Variants in AP4B1 observed in about 807,000 individuals in gnomAD.
AP4B1 encodes adaptor related protein complex 4 subunit beta 1.
Under a neutral mutation model 76.5 loss-of-function variants are expected in AP4B1, and 49 were observed. That is an observed-to-expected ratio of 0.64 (90% CI 0.51 to 0.81). The LOEUF is 0.81. AP4B1 is among the 40% of genes least tolerant of loss of function. AP4B1 has a pLI of 0.00. For missense variants in AP4B1, 911 were observed against 904.9 expected (o/e 1.01, Z -0.09); for synonymous variants, 330 against 333.3 (o/e 0.99, Z 0.11).
At chr1:113,902,385 A>G (rs1164842944) in intron 2 of AP4B1, among the ~76,000 whole-genome samples, 1 of 152,192 alleles carries the variant, frequency 6.6e-6, no homozygotes, top group Non-Finnish European at 1.5e-5. Context: ...AAAGATATAC[A>G]CATAATTGTT....
chr1:113,900,017 T>A lies in AP4B1; in HGVS notation c.1001A>T (p.Glu334Val). ...ATCGTTCACCAGTTCACACAGCACC[T>A]CCACTTTCTGTAGTTTGATGTAGTG... ...EPHYIKLQKV[E>V]VLCELVNDEN... is the part of the protein sequence containing the mutation. Residue 334 changes from glutamate (E) to valine (V), a missense_variant, in exon 5 of 10, where the codon GAG becomes GTG. By Grantham distance (121) the Glu-to-Val change is moderately radical (BLOSUM62 -2). Transcript: ENST00000369569. 6.2e-7 allele frequency: 1 copy of A among 1,614,208 alleles called. No homozygotes were observed. Among genetic ancestry groups the A allele is most frequent in the South Asian group, 1.1e-5 (1 of 91,092 alleles).
rs143769705 is a variant in AP4B1 at position 113,901,851 on chromosome 1, T to C, written c.373A>G (p.Ile125Val). The stretch of plus-strand genomic sequence containing the variant: ...GCCTTATCCCGCAGACCATTGAGAA[T>C]AGGCTGTTGTATATACTCCTGCACA... ...PGVQEYIQQP[I>V]LNGLRDKASY... is the part of the protein sequence containing the mutation. The change falls in exon 3 of 10, where the codon ATT becomes GTT. Residue 125 changes from isoleucine (I) to valine (V), a missense_variant. Coordinates refer to ENST00000369569, the MANE Select transcript of AP4B1 (RefSeq NM_001253852.3). 1.7e-5 allele frequency: 27 copies of C among 1,614,176 alleles called. No individual in the cohort carries two copies. In the African/African-American group the frequency reaches 3.3e-4, roughly 20 times the overall value.
chr1:113,900,114 G>C lies in AP4B1; in HGVS notation c.904C>G (p.Gln302Glu). 6.2e-7 allele frequency: 1 copy of C among 1,614,176 alleles called. No individual in the cohort carries two copies. Among genetic ancestry groups the C allele is most frequent in the Non-Finnish European group, 8.5e-7 (1 of 1,180,040 alleles). ...LCFVALCHVR[Q>E]ILHSLPGHFS... ...TGACCTGGTAAACTATGCAAGATCT[G>C]GCGTACATGACAAAGAGCAACAAAA... The change falls in exon 5 of 10, where the codon CAG (glutamine) becomes GAG (glutamate). Residue 302 changes from glutamine to glutamate, a missense_variant. Transcript: ENST00000369569.
At chr1:113,899,033 A>G in intron 5 of AP4B1, 1 of 1,219,918 alleles carries the variant, frequency 8.2e-7, no homozygotes. Flanking sequence ...TCATAGCAAA[A>G]CAATTCCCCA....
At chr1:113,895,514 T>A in intron 9 of AP4B1, 22 bp from the exon 10 acceptor site, 1 of 1,613,670 alleles carries the variant, frequency 6.2e-7, no homozygotes. Context: ...AGAAAACTTG[T>A]GTGAAAGATG....
At chr1:113,898,210 G>C (rs560275108) in intron 6 of AP4B1, among the ~76,000 whole-genome samples, 1 of 152,312 alleles carries the variant, frequency 6.6e-6, no homozygotes, top group South Asian at 2.1e-4. Flanking sequence ...ATGCAAATGT[G>C]GGGTAGTATT....
Position 113,902,841 on chromosome 1 carries a change from G to A in AP4B1, c.135C>T (p.Asp45=). The change falls in exon 2 of 10, where the codon GAC becomes GAT. Residue 45 remains aspartate (D), a synonymous_variant. Coordinates refer to ENST00000369569, the MANE Select transcript of AP4B1 (RefSeq NM_001253852.3). ...RVIRYMTQGL[D]MSGVFMEMVK... ...CCATTTCCATAAAAACACCAGACATGTCCAAGCCTTGAGTCATGTACCTGA... is the reference window on the plus strand; with the variant it reads ...CCATTTCCATAAAAACACCAGACATATCCAAGCCTTGAGTCATGTACCTGA... The A allele has an allele frequency of 6.2e-7, 1 of 1,614,144 alleles. No homozygotes were observed. Among genetic ancestry groups the A allele is most frequent in the Non-Finnish European group, 8.5e-7 (1 of 1,180,038 alleles).
Position 113,895,069 on chromosome 1 carries a change from G to A in AP4B1, c.2216C>T (p.Ser739Leu). Residue 739 changes from serine to leucine, a missense_variant, in exon 10 of 10, where the codon TCA becomes TTA. Transcript: ENST00000369569. ...TVIGTIEEIK[S>L] is the part of the protein sequence containing the mutation. Reference sequence around the variant, plus strand: ...TAGACAAGCAACAAGACTCTGTTATGATTTTATTTCTTCAATTGTTCCAAT... The same window carrying A: ...TAGACAAGCAACAAGACTCTGTTATAATTTTATTTCTTCAATTGTTCCAAT... 1 of 1,613,146 alleles carries A rather than the reference G, an allele frequency of 6.2e-7. No homozygotes were observed. The highest frequency in any genetic ancestry group is 8.5e-7 in the Non-Finnish European group (1 of 1,179,490).
chr1:113,903,692 A>G (rs1480303368), intron 1 of AP4B1, among the ~76,000 whole-genome samples: 1 of 152,266 alleles, frequency 6.6e-6, no homozygotes, highest in Non-Finnish European at 1.5e-5. Flanking sequence ...GATACATGCT[A>G]TGAGGTAAGT....
rs781489625 is a variant in AP4B1, at chr1:113,900,092, C to G, written c.926G>C (p.Gly309Ala). The change falls in exon 5 of 10, where the codon GGT becomes GCT. Residue 309 changes from glycine (G) to alanine (A), a missense_variant. Physicochemically the swap from Gly to Ala is moderately conservative, Grantham distance 60 (BLOSUM62 0). Coordinates refer to ENST00000369569, the MANE Select transcript of AP4B1 (RefSeq NM_001253852.3). Reference sequence around the variant, plus strand: ...CTTTTTGTAGTGGCTGCTAAAGTGACCTGGTAAACTATGCAAGATCTGGCG... The same window carrying G: ...CTTTTTGTAGTGGCTGCTAAAGTGAGCTGGTAAACTATGCAAGATCTGGCG... Reference protein sequence around the residue: ...HVRQILHSLPGHFSSHYKKFF... With the variant: ...HVRQILHSLPAHFSSHYKKFF... 2 of 1,614,164 alleles carry G rather than the reference C, an allele frequency of 1.2e-6. No homozygotes were observed. Among genetic ancestry groups the G allele is most frequent in the Non-Finnish European group, 1.7e-6 (2 of 1,180,032 alleles).
rs1306028962 is a variant in AP4B1 at position 113,895,168 on chromosome 1, A to G, written c.2117T>C (p.Met706Thr). Residue 706 changes from methionine (M) to threonine (T), a missense_variant, in exon 10 of 10, where the codon ATG becomes ACG. Met to Thr is a moderately conservative substitution (Grantham distance 81, BLOSUM62 -1). Coordinates refer to ENST00000369569, the MANE Select transcript of AP4B1 (RefSeq NM_001253852.3). ...ELLLEPGNSE[M>T]QISVKQNEAR... is the part of the protein sequence containing the mutation. Reference sequence around the variant, plus strand: ...TTCATTTTGTTTCACAGAGATCTGCATTTCTGAGTTTCCAGGCTCCAATAG... The same window carrying G: ...TTCATTTTGTTTCACAGAGATCTGCGTTTCTGAGTTTCCAGGCTCCAATAG... The G allele has an allele frequency of 1.2e-6, 2 of 1,614,062 alleles. No individual in the cohort carries two copies. Among genetic ancestry groups the G allele is most frequent in the Non-Finnish European group, 1.7e-6 (2 of 1,180,034 alleles).
chr1:113,899,335 A>G (rs1667916236), intron 5 of AP4B1: 1 of 1,013,104 alleles, frequency 9.9e-7, no homozygotes, highest in Non-Finnish European at 1.2e-6. Flanking sequence ...AATTCCAGAC[A>G]GGGTACTATG....
At chr1:113,899,000 C>T in intron 5 of AP4B1, 199 bp from the exon 6 acceptor site, 1 of 1,037,876 alleles carries the variant, frequency 9.6e-7, no homozygotes, top group Non-Finnish European at 1.3e-6. Context: ...TTTTTTCTCA[C>T]TGACTACTAG....
intron 5 of AP4B1, chr1:113,899,114 T>A (rs142048339): frequency 8.6e-5 from 102 of 1,185,720 alleles, no homozygotes; most frequent in Non-Finnish European, 1.0e-4. Context: ...ACCCTTTTTG[T>A]TGCAGCACAC....
Position 113,900,340 on chromosome 1 carries a change from T to G in AP4B1, c.678A>C (p.Gln226His). ...AEVLNFLLRYQPRSEEELFDI... is the reference protein window; with the variant it reads ...AEVLNFLLRYHPRSEEELFDI... ...CAAATAGTTCTTCCTCACTGCGGGG[T>G]TGGTAGCGTAGCAGAAAGTTCAATA... The change falls in exon 5 of 10, where the codon CAA (glutamine) becomes CAC (histidine). Residue 226 changes from glutamine (Q) to histidine (H), a missense_variant. Physicochemically the swap from Gln to His is conservative, Grantham distance 24. Coordinates refer to ENST00000369569, the MANE Select transcript of AP4B1 (RefSeq NM_001253852.3). 10 of 1,611,266 alleles carry G rather than the reference T, an allele frequency of 6.2e-6. No individual in the cohort carries two copies. The highest frequency in any genetic ancestry group is 8.5e-6 in the Non-Finnish European group (10 of 1,179,150).
chr1:113,901,159 T>C lies in AP4B1; in HGVS notation c.617+77A>G, dbSNP rs1668201409. 5.8e-6 allele frequency: 9 copies of C among 1,552,894 alleles called. No individual in the cohort carries two copies. The South Asian group carries it at 6.7e-5, about 12-fold the overall frequency. The stretch of plus-strand genomic sequence containing the variant: ...TTTCTTTTCTACCCCACATAAGTTG[T>C]TCAATACTTTAATACATCAACAAGA... On this transcript the variant is annotated intron_variant, in intron 4 of 9. Transcript: ENST00000369569.
At position 113,898,733 on chromosome 1, in the gene AP4B1, C is replaced by G. The variant is rs1033589129; in HGVS notation, c.1183G>C (p.Glu395Gln). Residue 395 changes from glutamate to glutamine, a missense_variant, in exon 6 of 10, where the codon GAG becomes CAG. Glu to Gln is a conservative substitution (Grantham distance 29). Coordinates refer to ENST00000369569, the MANE Select transcript of AP4B1 (RefSeq NM_001253852.3). The part of the protein sequence containing the change: ...ILTELLGLRQ[E>Q]HITTVVVQTF... The stretch of plus-strand genomic sequence containing the variant: ...CAGGCATTACCTGTGGTAATGTGCT[C>G]TTGTCGAAGACCCAGCAACTCTGTT... The G allele has an allele frequency of 6.2e-7, 1 of 1,609,416 alleles. No individual in the cohort carries two copies.
chr1:113,896,181 A>G lies in AP4B1; in HGVS notation c.1510+77T>C. The G allele has an allele frequency of 1.9e-6, 3 of 1,598,376 alleles. No homozygotes were observed. The South Asian group carries it at 3.3e-5, about 18-fold the overall frequency. ...ATTTTCTTCTCGGGTCCCAGACGTG[A>G]CTCACCAAACAATGAAAGCTATTAA... On this transcript the variant is annotated intron_variant, in intron 8 of 9. Coordinates refer to ENST00000369569, the MANE Select transcript of AP4B1 (RefSeq NM_001253852.3).
chr1:113,899,356 T>C, intron 5 of AP4B1: 1 of 1,010,860 alleles, frequency 9.9e-7, no homozygotes, highest in Non-Finnish European at 1.2e-6. Context: ...AAAAAGTCTG[T>C]AAGATTTAGG....
Sources: allele counts gnomAD v4.1 joint callset (sites outside exome capture counted in the v4.1 genomes callset), GRCh38; gene constraint gnomAD v4.1.1; transcripts MANE v1.5; gene names NCBI Gene and HGNC (gene_info 2026-07-23, HGNC 2026-07-21).